MKLN1: variants seen among roughly 807,000 people sequenced by gnomAD.
MKLN1 encodes muskelin 1, also known as muskelin.
A neutral mutation model predicts 99.0 loss-of-function variants in MKLN1; 18 were observed. The ratio of observed to expected loss-of-function variants is 0.18; its 90% CI spans 0.13 to 0.27. The LOEUF (loss-of-function observed/expected upper bound fraction) is 0.27, where lower values mean the gene tolerates loss of function less well. Among genes scored for constraint, MKLN1 ranks in the 10% least tolerant of loss-of-function variants. MKLN1 has a pLI of 1.00. For synonymous variants in MKLN1, 288 were observed against 293.2 expected (o/e 0.98, Z 0.18); for missense variants, 621 against 875.9 (o/e 0.71, Z 3.67).
intron 3 of MKLN1, among the ~76,000 whole-genome samples, chr7:131,229,196 G>A (rs149495828): frequency 0.01 from 1,535 of 151,650 alleles, 29 homozygotes; most frequent in African/African-American, 0.036. Context: ...AAGTTCTGGG[G>A]TACATGTGCA....
At chr7:131,136,901 A>G (rs1795657305) in intron 1 of MKLN1, among the ~76,000 whole-genome samples, 1 of 152,186 alleles carries the variant, frequency 6.6e-6, no homozygotes, top group African/African-American at 2.4e-5. Context: ...GTGTAGTTCA[A>G]TCGCCACACC....
intron 3 of MKLN1, among the ~76,000 whole-genome samples, chr7:131,221,137 C>A (rs144203372): frequency 1.3e-5 from 2 of 152,288 alleles, no homozygotes; most frequent in African/African-American, 4.8e-5. Flanking sequence ...TGTTCTGTAA[C>A]CCTGGCTTGG....
At chr7:131,467,278 A>G (rs1796691771) in intron 15 of MKLN1, among the ~76,000 whole-genome samples, 1 of 152,236 alleles carries the variant, frequency 6.6e-6, no homozygotes, top group Non-Finnish European at 1.5e-5. Flanking sequence ...CGTATCAATG[A>G]AGAAAATGAA....
chr7:131,115,770 T>C (rs566680515), intron 1 of MKLN1, among the ~76,000 whole-genome samples: 1 of 152,336 alleles, frequency 6.6e-6, no homozygotes, highest in African/African-American at 2.4e-5. Context: ...CCTATATACT[T>C]CCTTTTCCTG....
chr7:131,227,486 TC>T (rs1797169472), intron 3 of MKLN1, among the ~76,000 whole-genome samples: 2 of 130,024 alleles, frequency 1.5e-5, no homozygotes, highest in African/African-American at 5.9e-5. Context: ...TCTCTTTCTC[TC>T]TTTCTTTCTC....
intron 3 of MKLN1, among the ~76,000 whole-genome samples, chr7:131,258,416 A>G: frequency 6.6e-6 from 1 of 151,776 alleles, no homozygotes; most frequent in Admixed American, 6.6e-5. Flanking sequence ...GAAGTAGTGG[A>G]AAAGATAGGG....
intron 1 of MKLN1, among the ~76,000 whole-genome samples, chr7:131,344,180 T>G (rs747327630): frequency 2.6e-5 from 4 of 152,216 alleles, no homozygotes; most frequent in Non-Finnish European, 4.4e-5. Flanking sequence ...GGGTGATTTT[T>G]ATTTTTTAAG....
intron 16 of MKLN1, chr7:131,471,236 C>G (rs759026672): frequency 1.2e-5 from 3 of 241,612 alleles, no homozygotes; most frequent in Non-Finnish European, 2.4e-5. Flanking sequence ...TTACTTTGTC[C>G]ATAGTCCCAT....
At chr7:131,158,234 G>T (rs988489293) in intron 2 of MKLN1, among the ~76,000 whole-genome samples, 1 of 152,186 alleles carries the variant, frequency 6.6e-6, no homozygotes, top group Admixed American at 6.5e-5. Context: ...GACGTCAGGA[G>T]TTCAAAACTA....
At chr7:131,111,255 C>T (rs1795193216) in intron 1 of MKLN1, among the ~76,000 whole-genome samples, 1 of 152,208 alleles carries the variant, frequency 6.6e-6, no homozygotes, top group Non-Finnish European at 1.5e-5. Flanking sequence ...CTCTAATCAC[C>T]AGCGTGTTCC....
chr7:131,155,445 G>T (rs1795949173), intron 2 of MKLN1, among the ~76,000 whole-genome samples: 1 of 152,116 alleles, frequency 6.6e-6, no homozygotes, highest in Admixed American at 6.6e-5. Context: ...AATGTATTAA[G>T]ATCTGAATTT....
chr7:131,454,706 A>G (rs994625362), intron 12 of MKLN1, among the ~76,000 whole-genome samples: 5 of 152,244 alleles, frequency 3.3e-5, no homozygotes, highest in South Asian at 2.1e-4. Flanking sequence ...CCTTCCTCCC[A>G]TGTGACACAA....
At chr7:131,354,145 T>G (rs902809309) in intron 1 of MKLN1, among the ~76,000 whole-genome samples, 2 of 152,144 alleles carry the variant, frequency 1.3e-5, no homozygotes, top group African/African-American at 4.8e-5. Flanking sequence ...CAGAGTAAAC[T>G]TGTCTATGTC....
At chr7:131,258,410 T>C (rs1340172984) in intron 3 of MKLN1, among the ~76,000 whole-genome samples, 2 of 121,786 alleles carry the variant, frequency 1.6e-5, no homozygotes, top group African/African-American at 2.7e-5. Flanking sequence ...GAGATGGAAG[T>C]AGTGGAAAAG....
rs1221600932 is a variant in MKLN1, at chr7:131,173,968, CTTTTTCT to C, written c.-296-28883_-296-28877del. Among the ~76,000 whole-genome samples, 59 of 118,656 alleles carry C rather than the reference CTTTTTCT, an allele frequency of 5.0e-4. 2 individuals carry two copies. The highest frequency in any genetic ancestry group is 1.5e-3 in the African/African-American group (50 of 32,886). The allele number at this position is 118,656 out of a possible 152,430, so 77.8% of individuals were successfully genotyped here. ...TTCTCCAGAGTTTAAAGACCTTTTTCTTTTTCTTTTTTTTTTTTTTTTGAGACGGGAG... is the reference window on the plus strand; with the variant it reads ...TTCTCCAGAGTTTAAAGACCTTTTTCTTTTTTTTTTTTTTTGAGACGGGAG... On this transcript the variant is annotated intron_variant, in intron 2 of 7. Coordinates refer to the MKLN1 transcript ENST00000416992.
intron 1 of MKLN1, among the ~76,000 whole-genome samples, chr7:131,371,291 T>C (rs1228659479): frequency 6.6e-6 from 1 of 152,204 alleles, no homozygotes; most frequent in Non-Finnish European, 1.5e-5. Flanking sequence ...ATTTACACTT[T>C]CTAGGTTTTC....
Position 131,327,938 on chromosome 7 carries a change from C to T in MKLN1, c.39C>T (p.Cys13=), listed in dbSNP as rs775176186. 2.0e-5 allele frequency: 32 copies of T among 1,613,442 alleles called. No individual in the cohort carries two copies. The highest frequency in any genetic ancestry group is 2.7e-5 in the African/African-American group (2 of 74,876). ...GAGCTGTCGCTGCGGCGCCCGAGTG[C>T]CGGCTTCTCCCCTACGCGCTACACA... ...AGGAVAAAPE[C]RLLPYALHKW... The change falls in exon 1 of 18, where the codon TGC becomes TGT. Residue 13 remains cysteine, a synonymous_variant. Coordinates refer to ENST00000352689, the MANE Select transcript of MKLN1 (RefSeq NM_013255.5).
At chr7:131,198,874 G>T (rs1204386150) in intron 2 of MKLN1, among the ~76,000 whole-genome samples, 1 of 151,948 alleles carries the variant, frequency 6.6e-6, no homozygotes, top group Admixed American at 6.6e-5. Context: ...CATTCTGGAT[G>T]TGGAAATGAG....
chr7:131,347,941 A>G (rs1490491065), intron 1 of MKLN1, among the ~76,000 whole-genome samples: 2 of 152,198 alleles, frequency 1.3e-5, no homozygotes, highest in African/African-American at 4.8e-5. Context: ...ATGTGAGGTA[A>G]TCATAGTATA....
Sources: allele counts gnomAD v4.1 joint callset (sites outside exome capture counted in the v4.1 genomes callset), GRCh38; gene constraint gnomAD v4.1.1; transcripts MANE v1.5; gene names NCBI Gene and HGNC (gene_info 2026-07-23, HGNC 2026-07-21).